WNT7B: variants seen among roughly 807,000 people sequenced by gnomAD.
WNT7B encodes the protein Wnt family member 7B, also known as protein Wnt-7b.
A neutral mutation model predicts 38.2 loss-of-function variants in WNT7B; 19 were observed. The ratio of observed to expected loss-of-function variants is 0.50; its 90% confidence interval spans 0.35 to 0.73. The LOEUF (loss-of-function observed/expected upper bound fraction) is 0.73. Ranked by LOEUF, WNT7B falls within the 30% of genes least tolerant of loss-of-function variation. WNT7B has a pLI of 0.01. For missense variants in WNT7B, 423 were observed against 507.9 expected, an observed-to-expected ratio of 0.83 and a Z score of 1.61; for synonymous variants, 243 against 209.3, an observed-to-expected ratio of 1.16 and a Z score of -1.39.
chr22:45,957,931 C>G (rs972967298), intron 1 of WNT7B, among the ~76,000 whole-genome samples: 1 of 152,182 alleles, frequency 6.6e-6, no homozygotes, highest in African/African-American at 2.4e-5. Flanking sequence ...CCAGCCTGTC[C>G]CCACCAGGCC....
rs561129759 is a variant in WNT7B, at chr22:45,959,271, G to T, written c.72-9125C>A. Reference sequence around the variant, plus strand: ...GTGGGCAGCAGCGCGGCCGTGGGCTGTCCCCTTGTCACTCAGACTGTGTAA... The same window carrying T: ...GTGGGCAGCAGCGCGGCCGTGGGCTTTCCCCTTGTCACTCAGACTGTGTAA... On this transcript the variant is annotated intron_variant, in intron 1 of 3. Coordinates refer to ENST00000339464, the MANE Select transcript of WNT7B (RefSeq NM_058238.3). Among the ~76,000 whole-genome samples the T allele has an allele frequency of 2.4e-3, 359 of 152,306 alleles. 1 individual carries two copies. The highest frequency in any genetic ancestry group is 8.2e-3 in the African/African-American group (339 of 41,550).
At chr22:45,957,104 C>CAA (rs34329899) in intron 1 of WNT7B, among the ~76,000 whole-genome samples, 3,062 of 80,326 alleles carry the variant, frequency 0.038, 107 homozygotes, top group African/African-American at 0.077. Context: ...GACTCTGTCT[C>CAA]AAAAAAAAAA....
At chr22:45,973,203 G>C (rs1173652153) in intron 1 of WNT7B, among the ~76,000 whole-genome samples, 1 of 152,244 alleles carries the variant, frequency 6.6e-6, no homozygotes, top group Non-Finnish European at 1.5e-5. Flanking sequence ...TGGGTTTGTG[G>C]AGAAGTAGAC....
rs1414328610 is a variant in WNT7B, at chr22:45,965,047, G to A, written c.71+11637C>T. ...ACTCCTCCCTGCCCTGGGCTCCCCA[G>A]ACCCGAGATCACTGCCTCCGGCCCC... On this transcript the variant is annotated intron_variant, in intron 1 of 3. Coordinates refer to ENST00000339464, the MANE Select transcript of WNT7B (RefSeq NM_058238.3). This position sits in a 1 kb window ranked among gnomAD's most constrained non-coding sequence, Gnocchi z 6.5. Among the ~76,000 whole-genome samples, 1 of 151,984 alleles carries A rather than the reference G, an allele frequency of 6.6e-6. No homozygotes were observed. Among genetic ancestry groups the A allele is most frequent in the African/African-American group, 2.4e-5 (1 of 41,364 alleles).
chr22:45,923,105 G>C lies in WNT7B; in HGVS notation c.801C>G (p.Asp267Glu). The change falls in exon 4 of 4, where the codon GAC (aspartate) becomes GAG (glutamate). Residue 267 changes from aspartate (D) to glutamate (E), a missense_variant. Transcript: ENST00000339464. ...LRSYQKPMET[D>E]LVYIEKSPNY... is the part of the protein sequence containing the mutation. ...TGGGCGACTTCTCAATGTACACCAG[G>C]TCTGTCTCCATGGGCTTCTGATAGC... The C allele has an allele frequency of 6.2e-7, 1 of 1,613,722 alleles. No individual in the cohort carries two copies. The highest frequency in any genetic ancestry group is 8.5e-7 in the Non-Finnish European group (1 of 1,180,022).
chr22:45,963,853 CAG>C (rs1932250540), intron 1 of WNT7B, among the ~76,000 whole-genome samples: 1 of 152,188 alleles, frequency 6.6e-6, no homozygotes, highest in South Asian at 2.1e-4. Flanking sequence ...ACTCCCGCAA[CAG>C]AGGGAGGCAT....
chr22:45,976,807 G>A lies in WNT7B; in HGVS notation c.-53C>T. On this transcript the variant is annotated 5_prime_UTR_variant, in exon 1 of 4. Transcript: ENST00000339464. The surrounding 1 kb of genome is among the most constrained non-coding windows in gnomAD (Gnocchi z 8.5). ...ACAGCGGCGGCCGGAGGGGACGCGC[G>A]GGCCCGGCAGGGCCGGGCAGGGGCC... The A allele has an allele frequency of 1.3e-6, 2 of 1,525,934 alleles. No homozygotes were observed. Among genetic ancestry groups the A allele is most frequent in the African/African-American group, 1.4e-5 (1 of 71,734 alleles). The allele number at this position is 1,525,934 out of a possible 1,614,324, so 94.5% of individuals were successfully genotyped here. A position where few individuals can be genotyped will look rare whatever the true frequency, so the allele number is the denominator to read the frequency against.
chr22:45,937,974 A>C (rs1301192720), intron 2 of WNT7B, among the ~76,000 whole-genome samples: 1 of 151,998 alleles, frequency 6.6e-6, no homozygotes, highest in Non-Finnish European at 1.5e-5. Context: ...GCGCCATTGC[A>C]CTCCAGCCTG....
At chr22:45,929,859 TCCATCCATCCATCCAA>T (rs1215363835) in intron 3 of WNT7B, among the ~76,000 whole-genome samples, 2 of 123,038 alleles carry the variant, frequency 1.6e-5, no homozygotes, top group South Asian at 2.6e-4. Context: ...CACTCATCCT[TCCATCCATCCATCCAA>T]CCATCTACCC....
intron 3 of WNT7B, among the ~76,000 whole-genome samples, chr22:45,929,314 T>G (rs1016336211): frequency 2.0e-5 from 3 of 152,000 alleles, no homozygotes; most frequent in Non-Finnish European, 4.4e-5. Context: ...ATGCTGTCTG[T>G]GAGTTCCTTG....
chr22:45,976,543 T>G lies in WNT7B; in HGVS notation c.71+141A>C, dbSNP rs938348409. 46 of 855,414 alleles carry G rather than the reference T, an allele frequency of 5.4e-5. No homozygotes were observed. The highest frequency in any genetic ancestry group is 1.7e-5 in the South Asian group (1 of 57,542). The allele number at this position is 855,414 out of a possible 1,614,324, so 53.0% of individuals were successfully genotyped here. ...CGTCTCTGCTGGCGTGGGGCGAGGG[T>G]CTGACACACGGGCCAGCCCCGGAGC... On this transcript the variant is annotated intron_variant, in intron 1 of 3. Coordinates refer to ENST00000339464, the MANE Select transcript of WNT7B (RefSeq NM_058238.3). This position sits in a 1 kb window ranked among gnomAD's most constrained non-coding sequence, Gnocchi z 8.5.
At chr22:45,937,176 C>T (rs527466968) in intron 2 of WNT7B, among the ~76,000 whole-genome samples, 1 of 152,210 alleles carries the variant, frequency 6.6e-6, no homozygotes, top group Non-Finnish European at 1.5e-5. Context: ...CAGAGGTGGG[C>T]AGCATGCTCC....
At chr22:45,964,688 G>A (rs1421255363) in intron 1 of WNT7B, among the ~76,000 whole-genome samples, 5 of 152,150 alleles carry the variant, frequency 3.3e-5, no homozygotes, top group Admixed American at 1.3e-4. Context: ...GCCACCCCTG[G>A]GCAATCGGCC....
At chr22:45,945,169 C>T (rs569813052) in intron 2 of WNT7B, among the ~76,000 whole-genome samples, 40 of 152,262 alleles carry the variant, frequency 2.6e-4, no homozygotes, top group Middle Eastern at 3.4e-3. Flanking sequence ...CTGCAACCTC[C>T]ACCACCCGGG....
chr22:45,952,697 C>T lies in WNT7B; in HGVS notation c.72-2551G>A, dbSNP rs561463920. Reference sequence around the variant, plus strand: ...CGGTAGGTGCCCTTGCTGGGGGGACCCTGATGGGACTTAGTGTGGACCCTG... The same window carrying T: ...CGGTAGGTGCCCTTGCTGGGGGGACTCTGATGGGACTTAGTGTGGACCCTG... On this transcript the variant is annotated intron_variant, in intron 1 of 3. Transcript: ENST00000339464. Among the ~76,000 whole-genome samples, 4 of 152,330 alleles carry T rather than the reference C, an allele frequency of 2.6e-5. No homozygotes were observed. In the South Asian group the frequency reaches 8.3e-4, roughly 32 times the overall value.
intron 1 of WNT7B, among the ~76,000 whole-genome samples, chr22:45,963,591 G>C (rs187794266): frequency 1.9e-4 from 29 of 152,298 alleles, no homozygotes; most frequent in Non-Finnish European, 2.9e-4. Context: ...ACACAGCAAC[G>C]TGGCAGTGGT....
intron 1 of WNT7B, among the ~76,000 whole-genome samples, chr22:45,962,048 G>A (rs1207603755): frequency 2.0e-5 from 3 of 152,136 alleles, no homozygotes; most frequent in African/African-American, 4.8e-5. Context: ...GCTCCCTCGC[G>A]CCCCCGGCGG....
intron 3 of WNT7B, among the ~76,000 whole-genome samples, chr22:45,929,380 CCA>C (rs1931213038): frequency 6.7e-6 from 1 of 149,760 alleles, no homozygotes; most frequent in African/African-American, 2.5e-5. Context: ...ACCCATCCAC[CCA>C]CTCACCCATC....
chr22:45,972,108 C>CGGGGGGTGGGGGGG, intron 1 of WNT7B: 2 of 579,226 alleles, frequency 3.5e-6, no homozygotes, highest in African/African-American at 2.0e-5. Flanking sequence ...GCTGGAGGCC[C>CGGGGGGTGGGGGGG]GGGGGGAGCC....
Sources: allele counts gnomAD v4.1 joint callset (sites outside exome capture counted in the v4.1 genomes callset), GRCh38; gene constraint gnomAD v4.1.1; non-coding constraint Gnocchi (gnomAD v3.1); transcripts MANE v1.5; gene names NCBI Gene and HGNC (gene_info 2026-07-23, HGNC 2026-07-21).